Variants in KAT2B observed in about 807,000 individuals in gnomAD.
KAT2B encodes lysine acetyltransferase 2B.
In KAT2B, 36 loss-of-function variants were observed where a neutral mutation model predicts 105.9. The observed-to-expected ratio is 0.34, with a 90% CI of 0.26 to 0.45. The LOEUF (loss-of-function observed/expected upper bound fraction) is 0.45, where lower values mean the gene tolerates loss of function less well. KAT2B is among the 20% of genes least tolerant of loss of function. KAT2B has a pLI of 1.00. For missense variants in KAT2B, 820 were observed against 1,021.6 expected (o/e 0.80, Z 2.69); for synonymous variants, 397 against 377.9 (o/e 1.05, Z -0.59).
At chr3:20,151,506 A>G (rs1248553329) in intron 17 of KAT2B, among the ~76,000 whole-genome samples, 1 of 152,126 alleles carries the variant, frequency 6.6e-6, no homozygotes, top group Non-Finnish European at 1.5e-5. Flanking sequence ...GCTTTTAACA[A>G]TAAAGCCAGA....
intron 11 of KAT2B, among the ~76,000 whole-genome samples, chr3:20,132,349 G>T (rs901301669): frequency 2.0e-5 from 3 of 152,010 alleles, no homozygotes; most frequent in Non-Finnish European, 4.4e-5. Flanking sequence ...CTTCAGCCTG[G>T]GCAACAAGAG....
intron 5 of KAT2B, among the ~76,000 whole-genome samples, chr3:20,104,816 A>G (rs1043441486): frequency 1.3e-5 from 2 of 152,214 alleles, no homozygotes; most frequent in African/African-American, 4.8e-5. Context: ...CAGACTGAAC[A>G]GTAGTACTGC....
chr3:20,123,959 G>T (rs753052266), intron 9 of KAT2B, among the ~76,000 whole-genome samples: 1 of 152,126 alleles, frequency 6.6e-6, no homozygotes, highest in Non-Finnish European at 1.5e-5. Flanking sequence ...CAGCTTCCAG[G>T]AAATGAAGAA....
At chr3:20,108,595 C>T (rs991055520) in intron 5 of KAT2B, among the ~76,000 whole-genome samples, 1 of 152,118 alleles carries the variant, frequency 6.6e-6, no homozygotes, top group Non-Finnish European at 1.5e-5. Context: ...ATGTTACAGT[C>T]GTTTGTAGTA....
chr3:20,111,543 G>A, intron 5 of KAT2B, 53 bp from the exon 6 acceptor site: 1 of 1,393,916 alleles, frequency 7.2e-7, no homozygotes, highest in Non-Finnish European at 9.8e-7. Context: ...GAATATTTCT[G>A]ATGACCTGGG....
chr3:20,132,192 T>C (rs1284916303), intron 11 of KAT2B, among the ~76,000 whole-genome samples: 1 of 152,092 alleles, frequency 6.6e-6, no homozygotes, highest in African/African-American at 2.4e-5. Flanking sequence ...CTGACCAACA[T>C]GGTGAAACCC....
chr3:20,052,965 A>G (rs1697941498), intron 1 of KAT2B, among the ~76,000 whole-genome samples: 2 of 152,086 alleles, frequency 1.3e-5, no homozygotes, highest in Admixed American at 6.6e-5. Flanking sequence ...GACAAGAGCT[A>G]GACTCCGTCT....
chr3:20,077,551 ACAT>A (rs1260540539), intron 2 of KAT2B, among the ~76,000 whole-genome samples: 2 of 152,240 alleles, frequency 1.3e-5, no homozygotes. Flanking sequence ...GTTTTTGAAG[ACAT>A]CATAAGCAAA....
At chr3:20,150,862 T>G in intron 17 of KAT2B, among the ~76,000 whole-genome samples, 1 of 145,960 alleles carries the variant, frequency 6.9e-6, no homozygotes, top group Non-Finnish European at 1.5e-5. Context: ...CGTGTCATCC[T>G]TTTACTCCCC....
rs746113235 is a variant in KAT2B at position 20,125,898 on chromosome 3, A to C, written c.1414-7A>C. The C allele has an allele frequency of 1.9e-6, 3 of 1,612,778 alleles. No individual in the cohort carries two copies. The highest frequency in any genetic ancestry group is 2.5e-6 in the Non-Finnish European group (3 of 1,179,702). ...TGTGTAATTTTTTCCTGTCTCTTGC[A>C]TCTCAGACCAATTTTCTGTCAGCAC... On this transcript the variant is annotated splice_polypyrimidine_tract_variant and splice_region_variant and intron_variant, in intron 9 of 17. Transcript: ENST00000263754.
At chr3:20,129,947 C>G (rs150448813) in intron 11 of KAT2B, among the ~76,000 whole-genome samples, 58 of 152,240 alleles carry the variant, frequency 3.8e-4, no homozygotes, top group African/African-American at 1.4e-3. Flanking sequence ...GCTTCACTCT[C>G]TGGTCACAGT....
At chr3:20,116,745 T>A (rs1051929904) in intron 7 of KAT2B, among the ~76,000 whole-genome samples, 1 of 152,188 alleles carries the variant, frequency 6.6e-6, no homozygotes, top group Non-Finnish European at 1.5e-5. Flanking sequence ...TTCCTTGGTA[T>A]CTAAGCCTTT....
intron 3 of KAT2B, among the ~76,000 whole-genome samples, chr3:20,099,338 C>T (rs939916174): frequency 5.9e-5 from 9 of 152,210 alleles, no homozygotes; most frequent in East Asian, 5.8e-4. Flanking sequence ...CTAGATGATG[C>T]GTATGCCGTG....
At position 20,137,155 on chromosome 3, in the gene KAT2B, T is replaced by C. The variant is rs565710611; in HGVS notation, c.1860+103T>C. The C allele has an allele frequency of 3.2e-4, 208 of 654,118 alleles. 1 individual carries two copies. The highest frequency in any genetic ancestry group is 1.2e-3 in the East Asian group (43 of 36,902). 40.5% of individuals were successfully genotyped at this position (654,118 alleles called of 1,614,324 possible). A position where few individuals can be genotyped will look rare whatever the true frequency, so the allele number is the denominator to read the frequency against. On this transcript the variant is annotated intron_variant, in intron 12 of 17. Transcript: ENST00000263754. ...TTTCTCCCCCAGTGTTTTCTACTTATAAGAACAGGCATTTGTTTTACAAGC... is the reference window on the plus strand; with the variant it reads ...TTTCTCCCCCAGTGTTTTCTACTTACAAGAACAGGCATTTGTTTTACAAGC...
chr3:20,040,572 T>G lies in KAT2B; in HGVS notation c.95T>G (p.Leu32Arg), dbSNP rs899390624. The stretch of plus-strand genomic sequence containing the variant: ...GCGCTGCCCCCGCAGCCTGCGGCGC[T>G]TCCGCCCGCGCCCCCGCAGGGCTCC... ...PGALPPQPAA[L>R]PPAPPQGSPC... The change falls in exon 1 of 18, where the codon CTT becomes CGT. Residue 32 changes from leucine to arginine, a missense_variant. By Grantham distance (102) the Leu-to-Arg change is moderately radical (BLOSUM62 -2). Around this residue, in one of 6 missense-constraint regions of KAT2B, gnomAD observed 190 missense variants for 176.7 expected, o/e 1.08. Coordinates refer to ENST00000263754, the MANE Select transcript of KAT2B (RefSeq NM_003884.5). The G allele has an allele frequency of 1.1e-5, 12 of 1,129,762 alleles. No individual in the cohort carries two copies. The African/African-American group carries it at 2.0e-4, about 19-fold the overall frequency. The allele number at this position is 1,129,762 out of a possible 1,614,324, so 70.0% of individuals were successfully genotyped here.
At chr3:20,109,723 C>G (rs1406836668) in intron 5 of KAT2B, among the ~76,000 whole-genome samples, 1 of 152,122 alleles carries the variant, frequency 6.6e-6, no homozygotes, top group Admixed American at 6.6e-5. Context: ...TTATGAATTA[C>G]AAAATAAATG....
chr3:20,079,922 TA>T (rs1698490460), intron 2 of KAT2B, among the ~76,000 whole-genome samples: 1 of 152,192 alleles, frequency 6.6e-6, no homozygotes, highest in African/African-American at 2.4e-5. Flanking sequence ...ATACTGGTAA[TA>T]TTTTCTCTGC....
At chr3:20,083,044 G>T (rs1269264298) in intron 2 of KAT2B, among the ~76,000 whole-genome samples, 1 of 152,120 alleles carries the variant, frequency 6.6e-6, no homozygotes, top group Non-Finnish European at 1.5e-5. Flanking sequence ...ACCGAGGATG[G>T]TTCTCCACTG....
chr3:20,126,121 G>T lies in KAT2B; in HGVS notation c.1622+8G>T. On this transcript the variant is annotated splice_region_variant and intron_variant, in intron 10 of 17. Transcript: ENST00000263754. ...ACGGCTCGTCTTTGACCCGTAAGTG[G>T]TACTTTCTGTTCCTTCTTCCTTATT... The T allele has an allele frequency of 6.3e-7, 1 of 1,575,828 alleles. No homozygotes were observed. Among genetic ancestry groups the T allele is most frequent in the Non-Finnish European group, 8.6e-7 (1 of 1,158,354 alleles).
Sources: allele counts gnomAD v4.1 joint callset (sites outside exome capture counted in the v4.1 genomes callset), GRCh38; gene constraint gnomAD v4.1.1; regional missense constraint gnomAD v4.1.1; transcripts MANE v1.5; gene names NCBI Gene and HGNC (gene_info 2026-07-23, HGNC 2026-07-21).